TRIO: variants seen among roughly 807,000 people sequenced by gnomAD.
TRIO encodes triple functional domain protein.
In TRIO, 58 loss-of-function variants were observed where a neutral mutation model predicts 351.9. The ratio of observed to expected loss-of-function variants is 0.16; its 90% CI spans 0.13 to 0.21. The LOEUF (loss-of-function observed/expected upper bound fraction) is 0.21, where lower values mean the gene tolerates loss of function less well. Ranked by LOEUF, TRIO falls within the 10% of genes least tolerant of loss-of-function variation. TRIO has a pLI of 1.00. For missense variants in TRIO, 3,201 were observed against 4,027.8 expected (o/e 0.79, Z 5.56); for synonymous variants, 1,758 against 1,595.7 (o/e 1.10, Z -2.42).
chr5:14,507,454 A>T (rs1757781441), intron 56 of TRIO, among the ~76,000 whole-genome samples, 194 bp downstream of exon 56: 1 of 152,180 alleles, frequency 6.6e-6, no homozygotes, highest in Non-Finnish European at 1.5e-5. Context: ...CACGGTCAGG[A>T]GCACACTGGG....
Position 14,479,213 on chromosome 5 carries a change from C to T in TRIO, c.6154-48C>T, listed in dbSNP as rs186417335. 1.1e-4 allele frequency: 167 copies of T among 1,508,272 alleles called. 1 individual carries two copies. In the African/African-American group the frequency reaches 1.4e-3, roughly 13 times the overall value. 93.4% of individuals were successfully genotyped at this position (1,508,272 alleles called of 1,614,324 possible). ...TGTGCGGGTACTCGTGTATTCTAAT[C>T]GAATTTCCCATTGTTATAACCCAAC... On this transcript the variant is annotated intron_variant, in intron 41 of 56. Transcript: ENST00000344204.
intron 17 of TRIO, among the ~76,000 whole-genome samples, 191 bp downstream of exon 17, chr5:14,369,090 A>G (rs1341698738): frequency 6.6e-6 from 1 of 152,234 alleles, no homozygotes; most frequent in Non-Finnish European, 1.5e-5. Flanking sequence ...TAAGCTAGAA[A>G]GTAGCTGAGA....
At chr5:14,445,320 A>G (rs1224405645) in intron 34 of TRIO, among the ~76,000 whole-genome samples, 1 of 152,118 alleles carries the variant, frequency 6.6e-6, no homozygotes. Flanking sequence ...ATATGAGCAA[A>G]CCACATACCC....
intron 11 of TRIO, among the ~76,000 whole-genome samples, chr5:14,355,212 G>A (rs1481234400): frequency 1.3e-5 from 2 of 152,206 alleles, no homozygotes; most frequent in Non-Finnish European, 2.9e-5. Context: ...GGATGTTTTT[G>A]ATTAAATATT....
chr5:14,163,695 G>A (rs952479961), intron 1 of TRIO, among the ~76,000 whole-genome samples: 1 of 152,216 alleles, frequency 6.6e-6, no homozygotes, highest in African/African-American at 2.4e-5. Flanking sequence ...GATGACCAGA[G>A]TAGATATGTA....
intron 13 of TRIO, among the ~76,000 whole-genome samples, chr5:14,360,606 T>G (rs573024488): frequency 6.6e-6 from 1 of 152,376 alleles, no homozygotes; most frequent in South Asian, 2.1e-4. Flanking sequence ...ATGGCAGGGC[T>G]GTGCGTAGCC....
chr5:14,390,291 T>C lies in TRIO; in HGVS notation c.4119T>C (p.Phe1373=), dbSNP rs1746943913. ...EQLPEDVGHC[F]VTWADKFQMY... ...TGCCAGAGGATGTTGGACATTGTTT[T>C]GTTACTTGGGTAATGAAACCTCAAC... Residue 1373 remains phenylalanine (F), a synonymous_variant, in exon 26 of 57, where the codon TTT becomes TTC. Transcript: ENST00000344204. 6.8e-6 allele frequency: 11 copies of C among 1,614,088 alleles called. No homozygotes were observed. Among genetic ancestry groups the C allele is most frequent in the African/African-American group, 5.3e-5 (4 of 75,054 alleles).
intron 1 of TRIO, among the ~76,000 whole-genome samples, chr5:14,220,064 T>A (rs893105876): frequency 7.3e-4 from 109 of 149,230 alleles, no homozygotes; most frequent in South Asian, 2.3e-3. Flanking sequence ...TTTTTTTTTT[T>A]AAAAACAAAT....
At chr5:14,372,691 T>A (rs76117135) in intron 18 of TRIO, among the ~76,000 whole-genome samples, 4 of 152,202 alleles carry the variant, frequency 2.6e-5, no homozygotes, top group African/African-American at 4.8e-5. Context: ...GACTTTTTTT[T>A]AGTATCATCA....
At chr5:14,449,090 A>G (rs1214499501) in intron 34 of TRIO, among the ~76,000 whole-genome samples, 1 of 152,210 alleles carries the variant, frequency 6.6e-6, no homozygotes, top group African/African-American at 2.4e-5. Context: ...CTCGGCCTAC[A>G]GAGTTGGGTT....
chr5:14,241,796 G>C (rs1184744611), intron 1 of TRIO, among the ~76,000 whole-genome samples: 1 of 152,172 alleles, frequency 6.6e-6, no homozygotes, highest in Non-Finnish European at 1.5e-5. Context: ...TTACATGTTA[G>C]GATATACCAG....
At chr5:14,154,683 C>T (rs757496963) in intron 1 of TRIO, among the ~76,000 whole-genome samples, 14 of 152,112 alleles carry the variant, frequency 9.2e-5, no homozygotes, top group Non-Finnish European at 1.8e-4. Context: ...TGTTTTCGAG[C>T]ATCATTTCCA....
chr5:14,304,359 G>A lies in TRIO; in HGVS notation c.1369-102G>A, dbSNP rs904339589. ...AGAGTCAACCATGTTAAATTCTTAG[G>A]ATCTCCCTCAAGTCCCCTAATTTTC... On this transcript the variant is annotated intron_variant, in intron 7 of 56. Coordinates refer to ENST00000344204, the MANE Select transcript of TRIO (RefSeq NM_007118.4). 24 of 1,211,656 alleles carry A rather than the reference G, an allele frequency of 2.0e-5. No homozygotes were observed. The Middle Eastern group carries it at 6.3e-4, about 32-fold the overall frequency. 75.1% of individuals were successfully genotyped at this position (1,211,656 alleles called of 1,614,324 possible).
chr5:14,448,039 T>A (rs1455940327), intron 34 of TRIO, among the ~76,000 whole-genome samples: 2 of 152,236 alleles, frequency 1.3e-5, no homozygotes, highest in Non-Finnish European at 2.9e-5. Context: ...CAAGAACCCA[T>A]TATTTTATAA....
chr5:14,144,260 T>C (rs1251492403), intron 1 of TRIO, among the ~76,000 whole-genome samples: 1 of 151,832 alleles, frequency 6.6e-6, no homozygotes, highest in Non-Finnish European at 1.5e-5. Context: ...GGAGATGGCG[T>C]GGGCGGAGGC....
chr5:14,176,363 A>G (rs1052757258), intron 1 of TRIO, among the ~76,000 whole-genome samples: 3 of 152,122 alleles, frequency 2.0e-5, no homozygotes, highest in Non-Finnish European at 4.4e-5. Context: ...CCAGCTACTC[A>G]GGAGGCCGAG....
At chr5:14,471,902 C>T (rs1325665332) in intron 38 of TRIO, among the ~76,000 whole-genome samples, 1 of 151,552 alleles carries the variant, frequency 6.6e-6, no homozygotes, top group East Asian at 1.9e-4. Flanking sequence ...AAGGTTTAAA[C>T]TTGCCTTTGG....
chr5:14,260,735 A>C (rs1561263477), intron 1 of TRIO, among the ~76,000 whole-genome samples: 1 of 152,370 alleles, frequency 6.6e-6, no homozygotes, highest in South Asian at 2.1e-4. Context: ...GCATGGACCT[A>C]AAGTATCTTA....
At chr5:14,409,393 A>AAG (rs56894229) in intron 33 of TRIO, among the ~76,000 whole-genome samples, 7 of 151,724 alleles carry the variant, frequency 4.6e-5, no homozygotes, top group African/African-American at 1.7e-4. Context: ...AAAAAAAAAA[A>AAG]GCAAATTTTA....
Sources: gnomAD v4.1 joint callset for allele counts (sites outside exome capture counted in the v4.1 genomes callset) on GRCh38, gnomAD v4.1.1 for gene constraint, MANE v1.5 for transcripts, NCBI Gene and HGNC (gene_info 2026-07-23, HGNC 2026-07-21) for gene names.